Variants in MCF2L observed in about 807,000 individuals in gnomAD.
MCF2L encodes MCF.2 cell line derived transforming sequence like, also known as guanine nucleotide exchange factor DBS.
Under a neutral mutation model 153.4 loss-of-function variants are expected in MCF2L, and 97 were observed. The ratio of observed to expected loss-of-function variants is 0.63; its 90% confidence interval spans 0.54 to 0.75. The LOEUF (loss-of-function observed/expected upper bound fraction) is 0.75, where lower values mean the gene tolerates loss of function less well. Among genes scored for constraint, MCF2L ranks in the 30% least tolerant of loss-of-function variants. The pLI is 0.00. For synonymous variants in MCF2L, 659 were observed against 632.2 expected (o/e 1.04, Z -0.64); for missense variants, 1,347 against 1,495.2 (o/e 0.90, Z 1.64).
chr13:113,002,841 G>A (rs916851331), intron 1 of MCF2L, among the ~76,000 whole-genome samples: 8 of 152,132 alleles, frequency 5.3e-5, no homozygotes, highest in African/African-American at 1.4e-4. Flanking sequence ...AACTATCAAC[G>A]GCAATGAATG....
intron 1 of MCF2L, among the ~76,000 whole-genome samples, chr13:112,987,904 A>G (rs1310026053): frequency 6.6e-6 from 1 of 152,280 alleles, no homozygotes; most frequent in African/African-American, 2.4e-5. Context: ...ACAAGGGGAC[A>G]GCCTCATCCA....
chr13:113,001,643 C>T (rs2083382307), intron 1 of MCF2L: 2 of 1,287,484 alleles, frequency 1.6e-6, no homozygotes, highest in Non-Finnish European at 2.0e-6. Flanking sequence ...GGCCGGGGCT[C>T]AGCTGTCGCC....
intron 1 of MCF2L, among the ~76,000 whole-genome samples, chr13:113,002,476 G>A (rs1348121821): frequency 1.3e-5 from 2 of 152,254 alleles, no homozygotes; most frequent in African/African-American, 4.8e-5. Flanking sequence ...GGTGCAAGGC[G>A]TGACAAGCTG....
intron 2 of MCF2L, among the ~76,000 whole-genome samples, chr13:112,944,868 A>G (rs948263449): frequency 3.9e-5 from 6 of 152,206 alleles, no homozygotes; most frequent in African/African-American, 1.4e-4. Flanking sequence ...AGCTCTGTGC[A>G]GAAGGGAGCA....
intron 9 of MCF2L, among the ~76,000 whole-genome samples, chr13:113,073,774 G>C (rs1195458261): frequency 6.6e-6 from 1 of 152,090 alleles, no homozygotes; most frequent in East Asian, 1.9e-4. Flanking sequence ...AATTAGCTGG[G>C]CGTGATGGCT....
At chr13:113,014,292 G>A (rs544942447) in intron 1 of MCF2L, among the ~76,000 whole-genome samples, 21 of 152,330 alleles carry the variant, frequency 1.4e-4, no homozygotes, top group Non-Finnish European at 2.2e-4. Context: ...CTGTGTGTGC[G>A]GAGGCAGAGG....
intron 2 of MCF2L, among the ~76,000 whole-genome samples, chr13:112,952,207 G>A (rs777688408): frequency 1.3e-5 from 2 of 152,172 alleles, no homozygotes; most frequent in African/African-American, 4.8e-5. Flanking sequence ...ATTCAGAGCC[G>A]GGCAGAGGGA....
At chr13:113,006,447 C>G (rs956558719) in intron 1 of MCF2L, among the ~76,000 whole-genome samples, 2 of 152,216 alleles carry the variant, frequency 1.3e-5, no homozygotes, top group African/African-American at 4.8e-5. Context: ...CCCGGGAGCA[C>G]AGGGTGGTCC....
chr13:113,010,027 C>A (rs1005619341), intron 1 of MCF2L: 1 of 152,382 alleles, frequency 6.6e-6, no homozygotes. Flanking sequence ...CAGTGAGCAC[C>A]AGGGACGGGG....
At chr13:113,018,800 G>C (rs2084696829) in intron 2 of MCF2L, among the ~76,000 whole-genome samples, 1 of 152,246 alleles carries the variant, frequency 6.6e-6, no homozygotes, top group Non-Finnish European at 1.5e-5. Flanking sequence ...GGAACGCAGA[G>C]GCCACCGCCA....
intron 1 of MCF2L, among the ~76,000 whole-genome samples, chr13:112,970,695 C>T (rs1273119089): frequency 1.3e-5 from 2 of 152,110 alleles, no homozygotes; most frequent in Non-Finnish European, 2.9e-5. Context: ...GTCAGAGTCA[C>T]AGAGTGGGAA....
At chr13:113,076,795 T>C (rs886594076) in intron 12 of MCF2L, among the ~76,000 whole-genome samples, 4 of 152,246 alleles carry the variant, frequency 2.6e-5, no homozygotes, top group African/African-American at 9.6e-5. Context: ...TCCACATGCC[T>C]GGGGAAGGCT....
At chr13:112,998,939 G>T (rs1274705918) in intron 1 of MCF2L, among the ~76,000 whole-genome samples, 1 of 152,216 alleles carries the variant, frequency 6.6e-6, no homozygotes, top group Non-Finnish European at 1.5e-5. Flanking sequence ...AGAGCTGTGG[G>T]TGGGGAGCCC....
Position 112,960,746 on chromosome 13 carries a change from G to A in MCF2L, c.170-54017G>A, listed in dbSNP as rs2081815192. On this transcript the variant is annotated intron_variant, in intron 2 of 29. Coordinates refer to the MCF2L transcript ENST00000375608. The surrounding 1 kb of genome is among the most constrained non-coding windows in gnomAD (Gnocchi z 4.2). ...AAGAATCCTTTCCTCGCCCTGTCCAGCCCCAGGTGCTGCCTGCATTCCTGG... is the reference window on the plus strand; with the variant it reads ...AAGAATCCTTTCCTCGCCCTGTCCAACCCCAGGTGCTGCCTGCATTCCTGG... 6.6e-6 allele frequency among the ~76,000 whole-genome samples: 1 copy of A among 152,154 alleles called. No homozygotes were observed. The highest frequency in any genetic ancestry group is 1.5e-5 in the Non-Finnish European group (1 of 68,038).
In MCF2L at chr13:112,895,057, A is replaced by G. The variant is rs116084624; in HGVS notation, c.-5+626A>G. 7.9e-3 allele frequency among the ~76,000 whole-genome samples: 1,202 copies of G among 152,262 alleles called. 19 individuals are homozygous for G. Among genetic ancestry groups the G allele is most frequent in the African/African-American group, 0.027 (1,138 of 41,558 alleles). Reference sequence around the variant, plus strand: ...ACAGGTCCCCAAACAGACAGCGGGAAGGCCGTGGAGCGCGGGCTGGGCGGA... The same window carrying G: ...ACAGGTCCCCAAACAGACAGCGGGAGGGCCGTGGAGCGCGGGCTGGGCGGA... On this transcript the variant is annotated intron_variant, in intron 1 of 29. Coordinates refer to the MCF2L transcript ENST00000375608.
chr13:112,909,390 G>T, intron 2 of MCF2L: 1 of 756,836 alleles, frequency 1.3e-6, no homozygotes, highest in East Asian at 2.4e-5. Flanking sequence ...AGGCTAAGGC[G>T]TTGATCCCAA....
chr13:113,076,294 C>G (rs937790361), intron 12 of MCF2L, 137 bp downstream of exon 12: 5 of 608,318 alleles, frequency 8.2e-6, no homozygotes, highest in African/African-American at 7.8e-5. Flanking sequence ...GATGGAATCT[C>G]GCTCTTGTCG....
chr13:113,058,010 GTGTT>G (rs1269192084), intron 4 of MCF2L, among the ~76,000 whole-genome samples: 2 of 148,626 alleles, frequency 1.3e-5, no homozygotes, highest in East Asian at 2.1e-4. Flanking sequence ...TGGGCTCTGA[GTGTT>G]TGGACACTGA....
At position 113,070,056 on chromosome 13, in the gene MCF2L, C is replaced by T. The variant is rs1040628670; in HGVS notation, c.882-3C>T. On this transcript the variant is annotated splice_polypyrimidine_tract_variant and splice_region_variant and intron_variant, in intron 8 of 29. Transcript: ENST00000535094. This position sits in a 1 kb window ranked among gnomAD's most constrained non-coding sequence, Gnocchi z 5.6. ...CAGACGGTCAACTCCTCCTCTTTCC[C>T]AGGCTCCTGGCCCAGCTGAACGAAA... 1 of 1,606,610 alleles carries T rather than the reference C, an allele frequency of 6.2e-7. No homozygotes were observed. The highest frequency in any genetic ancestry group is 8.5e-7 in the Non-Finnish European group (1 of 1,176,460).
Sources: allele counts gnomAD v4.1 joint callset (sites outside exome capture counted in the v4.1 genomes callset), GRCh38; gene constraint gnomAD v4.1.1; non-coding constraint Gnocchi (gnomAD v3.1); transcripts MANE v1.5; gene names NCBI Gene and HGNC (gene_info 2026-07-23, HGNC 2026-07-21).